Variants in KAZN observed in about 807,000 individuals in gnomAD.
KAZN encodes kazrin, periplakin interacting protein.
KAZN carries 40 observed loss-of-function variants against 87.4 expected under a neutral mutation model. That is an observed-to-expected ratio of 0.46 (90% CI 0.36 to 0.60). The LOEUF is 0.60. Ranked by LOEUF, KAZN falls within the 20% of genes least tolerant of loss-of-function variation. KAZN has a pLI of 0.00. For synonymous variants in KAZN, 466 were observed against 458.3 expected (o/e 1.02, Z -0.22); for missense variants, 898 against 1,073.9 (o/e 0.84, Z 2.29).
chr1:14,207,535 C>T (rs938459501), intron 2 of KAZN, among the ~76,000 whole-genome samples: 1 of 152,150 alleles, frequency 6.6e-6, no homozygotes, highest in African/African-American at 2.4e-5. Context: ...CACTCACTCA[C>T]CTATTTTGTC....
intron 1 of KAZN, among the ~76,000 whole-genome samples, chr1:14,677,253 C>T (rs920387007): frequency 6.6e-6 from 1 of 152,264 alleles, no homozygotes; most frequent in South Asian, 2.1e-4. Flanking sequence ...TCCCATTATC[C>T]CATGCTGCTA....
intron 1 of KAZN, among the ~76,000 whole-genome samples, chr1:14,878,497 G>A (rs955728785): frequency 6.6e-6 from 1 of 152,026 alleles, no homozygotes; most frequent in African/African-American, 2.4e-5. Flanking sequence ...AACTGTGCTG[G>A]GCATCCCCTC....
At chr1:14,297,941 AT>A (rs1236597925) in intron 2 of KAZN, among the ~76,000 whole-genome samples, 2 of 152,138 alleles carry the variant, frequency 1.3e-5, no homozygotes, top group Non-Finnish European at 2.9e-5. Context: ...AATTGGTTAA[AT>A]TGAAGCTGGG....
At position 14,402,357 on chromosome 1, in the gene KAZN, C is replaced by T. The variant is rs115835314; in HGVS notation, c.250-196626C>T. Among the ~76,000 whole-genome samples, 1,427 of 152,138 alleles carry T rather than the reference C, an allele frequency of 9.4e-3. 19 individuals carry two copies. The highest frequency in any genetic ancestry group is 0.032 in the African/African-American group (1,347 of 41,524). On this transcript the variant is annotated intron_variant, in intron 2 of 16. Transcript: ENST00000636203. ...TGAGTTCTTACCAGCGTTCCAAGCA[C>T]TTGTATTTTCTACCTTATTTAATTC...
intron 1 of KAZN, among the ~76,000 whole-genome samples, chr1:14,702,919 G>T (rs568914942): frequency 7.7e-4 from 117 of 152,260 alleles, no homozygotes; most frequent in South Asian, 1.7e-3. Flanking sequence ...CTCCATTAAA[G>T]AAATTTTGGG....
At chr1:14,121,311 T>C (rs1296688490) in intron 1 of KAZN, among the ~76,000 whole-genome samples, 3 of 152,216 alleles carry the variant, frequency 2.0e-5, no homozygotes, top group African/African-American at 7.2e-5. Flanking sequence ...CTACGGTGAA[T>C]GAAGCCTGAT....
intron 1 of KAZN, among the ~76,000 whole-genome samples, chr1:14,736,752 G>A (rs1218754611): frequency 6.6e-6 from 1 of 152,134 alleles, no homozygotes; most frequent in Non-Finnish European, 1.5e-5. Flanking sequence ...CAAGGGTGAA[G>A]GAATAGTATA....
intron 2 of KAZN, among the ~76,000 whole-genome samples, chr1:14,490,620 G>A (rs1669596313): frequency 6.6e-6 from 1 of 152,142 alleles, no homozygotes; most frequent in Non-Finnish European, 1.5e-5. Context: ...AGCCTCCTGA[G>A]TAGCTGGGAT....
rs534070853 is a variant in KAZN at position 13,954,038 on chromosome 1, T to G, written c.91+60282T>G. ...ATCAGTAAACTTTGTTTTTTTCCAT[T>G]CGGCCCCATGCATTTGTTGGAAAAT... is the stretch of plus-strand genomic sequence containing the variant. On this transcript the variant is annotated intron_variant, in intron 1 of 16. Transcript: ENST00000636203. Among the ~76,000 whole-genome samples, 6 of 152,328 alleles carry G rather than the reference T, an allele frequency of 3.9e-5. No individual in the cohort carries two copies. The South Asian group carries it at 1.2e-3, about 32-fold the overall frequency.
chr1:14,429,759 C>G (rs935467074), intron 2 of KAZN, among the ~76,000 whole-genome samples: 1 of 152,104 alleles, frequency 6.6e-6, no homozygotes, highest in Non-Finnish European at 1.5e-5. Flanking sequence ...TCACCGTCGT[C>G]GTCGTCATCA....
chr1:13,903,677 T>G (rs2100845635), intron 1 of KAZN, among the ~76,000 whole-genome samples: 1 of 152,030 alleles, frequency 6.6e-6, no homozygotes, highest in Non-Finnish European at 1.5e-5. Context: ...AAAGAACTGG[T>G]CTGGGGACAG....
chr1:14,900,067 C>T, intron 1 of KAZN, among the ~76,000 whole-genome samples: 1 of 152,176 alleles, frequency 6.6e-6, no homozygotes, highest in East Asian at 1.9e-4. Context: ...CCTGGAATGG[C>T]CCAGGAGGCA....
chr1:14,337,922 C>G (rs1657393569), intron 2 of KAZN, among the ~76,000 whole-genome samples: 1 of 150,594 alleles, frequency 6.6e-6, no homozygotes, highest in Non-Finnish European at 1.5e-5. Flanking sequence ...AGAGCCTCCT[C>G]TGTTTGAGAA....
chr1:14,747,730 G>A (rs1254076560), intron 1 of KAZN, among the ~76,000 whole-genome samples: 1 of 152,204 alleles, frequency 6.6e-6, no homozygotes, highest in Non-Finnish European at 1.5e-5. Context: ...ACTCAGGAGT[G>A]GAACTGCTGG....
At chr1:14,022,058 C>T (rs34115388) in intron 1 of KAZN, among the ~76,000 whole-genome samples, 13,177 of 145,820 alleles carry the variant, frequency 0.09, 671 homozygotes, top group Middle Eastern at 0.14. Context: ...TTACCCATGC[C>T]GTCCCGGGTA....
chr1:14,496,570 G>C (rs1669953667), intron 2 of KAZN, among the ~76,000 whole-genome samples: 2 of 151,884 alleles, frequency 1.3e-5, no homozygotes, highest in African/African-American at 4.8e-5. Context: ...CTGTTGAAAA[G>C]GTTCGTGATC....
At chr1:14,887,617 A>G (rs1226838616) in intron 1 of KAZN, among the ~76,000 whole-genome samples, 1 of 151,834 alleles carries the variant, frequency 6.6e-6, no homozygotes, top group Admixed American at 6.6e-5. Context: ...TCCACCCCCA[A>G]GACTACCACG....
intron 1 of KAZN, among the ~76,000 whole-genome samples, chr1:13,978,372 C>T (rs1638480947): frequency 6.6e-6 from 1 of 151,282 alleles, no homozygotes; most frequent in South Asian, 2.1e-4. Context: ...TATAGTGATC[C>T]CAATATTGAA....
At chr1:15,097,197 TGACAC>T (rs540525432) in intron 10 of KAZN, among the ~76,000 whole-genome samples, 10 of 152,174 alleles carry the variant, frequency 6.6e-5, no homozygotes, top group Non-Finnish European at 1.2e-4. Flanking sequence ...TAAGAGCTTT[TGACAC>T]TTTCTCTAGA....
Sources: allele counts gnomAD v4.1 joint callset (sites outside exome capture counted in the v4.1 genomes callset), GRCh38; gene constraint gnomAD v4.1.1; transcripts MANE v1.5; gene names NCBI Gene and HGNC (gene_info 2026-07-23, HGNC 2026-07-21).